Variants in DTNBP1 observed in about 807,000 individuals in gnomAD.
DTNBP1 encodes dystrobrevin binding protein 1.
DTNBP1 carries 35 observed loss-of-function variants against 42.8 expected under a neutral mutation model. That is an observed-to-expected ratio of 0.82 (90% CI 0.63 to 1.09). The LOEUF is 1.09. Among genes scored for constraint, DTNBP1 ranks in the 50% least tolerant of loss-of-function variants. DTNBP1 has a pLI of 0.00. For synonymous variants in DTNBP1, 171 were observed against 162.2 expected (o/e 1.05, Z -0.41); for missense variants, 457 against 424.2 (o/e 1.08, Z -0.68).
intron 8 of DTNBP1, among the ~76,000 whole-genome samples, chr6:15,530,058 G>A (rs752807399): frequency 3.3e-5 from 5 of 152,386 alleles, no homozygotes; most frequent in Non-Finnish European, 5.9e-5. Context: ...ACTTTCCATG[G>A]CCTTGTCTTA....
intron 8 of DTNBP1, among the ~76,000 whole-genome samples, chr6:15,528,969 T>C (rs758929221): frequency 6.6e-6 from 1 of 152,134 alleles, no homozygotes; most frequent in Non-Finnish European, 1.5e-5. Flanking sequence ...CTCTTACGTA[T>C]ATGTACAGAG....
intron 6 of DTNBP1, among the ~76,000 whole-genome samples, chr6:15,600,126 C>A (rs531615261): frequency 6.6e-6 from 1 of 152,124 alleles, no homozygotes; most frequent in Admixed American, 6.6e-5. Flanking sequence ...TCAATCCATC[C>A]TTACATTGAG....
intron 6 of DTNBP1, among the ~76,000 whole-genome samples, chr6:15,605,241 A>G (rs1465434108): frequency 2.6e-5 from 4 of 152,248 alleles, no homozygotes; most frequent in Non-Finnish European, 5.9e-5. Context: ...GAGAACTTCA[A>G]TAAGCACTCT....
intron 7 of DTNBP1, chr6:15,546,033 T>C (rs565969700): frequency 6.7e-6 from 3 of 448,226 alleles, no homozygotes; most frequent in South Asian, 1.6e-5. Flanking sequence ...TGGAGCTGGC[T>C]GAATATGGAT....
At chr6:15,555,470 G>C (rs1774459754) in intron 7 of DTNBP1, among the ~76,000 whole-genome samples, 1 of 152,068 alleles carries the variant, frequency 6.6e-6, no homozygotes, top group South Asian at 2.1e-4. Context: ...AGACCCTGCT[G>C]ATAAAACAGG....
intron 7 of DTNBP1, among the ~76,000 whole-genome samples, chr6:15,557,262 T>TC (rs1179005094): frequency 7.3e-5 from 11 of 151,604 alleles, no homozygotes; most frequent in Non-Finnish European, 1.0e-4. Flanking sequence ...TTTTTTTTTT[T>TC]TTTGCCTGGT....
At chr6:15,660,093 CA>C (rs1406700936) in intron 1 of DTNBP1, among the ~76,000 whole-genome samples, 1 of 152,154 alleles carries the variant, frequency 6.6e-6, no homozygotes, top group East Asian at 1.9e-4. Context: ...AAGCACAAAA[CA>C]AATCTGATTA....
Position 15,656,173 on chromosome 6 carries a change from T to C in DTNBP1, c.57-4033A>G, listed in dbSNP as rs537325910. 4.6e-5 allele frequency among the ~76,000 whole-genome samples: 7 copies of C among 152,348 alleles called. No homozygotes were observed. In the South Asian group the frequency reaches 1.4e-3, roughly 32 times the overall value. ...CCGAGAAACCAATGTACTACATTAC[T>C]GGGCTAAGGTGAAATAAAGCAGAGG... is the stretch of plus-strand genomic sequence containing the variant. On this transcript the variant is annotated intron_variant, in intron 1 of 9. Transcript: ENST00000344537.
intron 8 of DTNBP1, among the ~76,000 whole-genome samples, chr6:15,531,016 C>T (rs1034019734): frequency 5.3e-5 from 8 of 152,176 alleles, no homozygotes; most frequent in African/African-American, 1.9e-4. Flanking sequence ...GTCAGATGGA[C>T]ATGGCCCCTG....
In DTNBP1 at chr6:15,622,253, A is replaced by G. The variant is rs577764051; in HGVS notation, c.355+5090T>C. Among the ~76,000 whole-genome samples the G allele has an allele frequency of 1.8e-3, 281 of 152,366 alleles. 3 individuals carry two copies. Among genetic ancestry groups the G allele is most frequent in the African/African-American group, 6.5e-3 (269 of 41,598 alleles). ...CATTAAACAACATGATGATACTTTTAGTATATTAAACCAGGTCACATTATC... is the reference window on the plus strand; with the variant it reads ...CATTAAACAACATGATGATACTTTTGGTATATTAAACCAGGTCACATTATC... On this transcript the variant is annotated intron_variant, in intron 5 of 9. Transcript: ENST00000344537.
chr6:15,579,970 T>G (rs1186953972), intron 7 of DTNBP1: 1 of 243,010 alleles, frequency 4.1e-6, no homozygotes, highest in East Asian at 1.2e-4. Flanking sequence ...ATGTGTCCAT[T>G]TAAAATAATA....
chr6:15,590,078 G>A (rs1168825522), intron 7 of DTNBP1, among the ~76,000 whole-genome samples: 2 of 152,044 alleles, frequency 1.3e-5, no homozygotes, highest in Non-Finnish European at 1.5e-5. Flanking sequence ...GACTATAGGC[G>A]CCCACCACCA....
chr6:15,546,903 A>G (rs1470087462), intron 7 of DTNBP1, among the ~76,000 whole-genome samples: 1 of 150,500 alleles, frequency 6.6e-6, no homozygotes, highest in East Asian at 2.0e-4. Flanking sequence ...CGCATGAAAT[A>G]GCAGCTTTTT....
At chr6:15,614,454 A>C (rs749961700) in intron 6 of DTNBP1, among the ~76,000 whole-genome samples, 4 of 152,064 alleles carry the variant, frequency 2.6e-5, no homozygotes, top group Admixed American at 6.6e-5. Context: ...CCTCCCAACT[A>C]GCAAAGCCCG....
At chr6:15,627,196 C>T in intron 5 of DTNBP1, 147 bp downstream of exon 5, 1 of 1,039,478 alleles carries the variant, frequency 9.6e-7, no homozygotes, top group East Asian at 2.5e-5. Context: ...GAATCCTCAA[C>T]TAATCAAAAT....
chr6:15,653,383 T>C (rs1320793435), intron 1 of DTNBP1, among the ~76,000 whole-genome samples: 1 of 152,186 alleles, frequency 6.6e-6, no homozygotes, highest in African/African-American at 2.4e-5. Flanking sequence ...TGTCTACCTT[T>C]CCTAAATTTT....
At chr6:15,613,101 G>C (rs1035551838) in intron 6 of DTNBP1, among the ~76,000 whole-genome samples, 1 of 151,718 alleles carries the variant, frequency 6.6e-6, no homozygotes, top group African/African-American at 2.4e-5. Flanking sequence ...AGAGGTCAGG[G>C]GTTTGAGACC....
chr6:15,585,968 G>A (rs1680263926), intron 7 of DTNBP1: 1 of 1,309,514 alleles, frequency 7.6e-7, no homozygotes, highest in South Asian at 2.6e-5. Context: ...GGAATCTACT[G>A]CCTCTATAAA....
intron 3 of DTNBP1, among the ~76,000 whole-genome samples, chr6:15,648,414 A>G (rs1320825089): frequency 6.6e-6 from 1 of 152,070 alleles, no homozygotes. Context: ...TAGGCAAGAA[A>G]AAAGAAATAA....
Sources: allele counts gnomAD v4.1 joint callset (sites outside exome capture counted in the v4.1 genomes callset), GRCh38; gene constraint gnomAD v4.1.1; transcripts MANE v1.5; gene names NCBI Gene and HGNC (gene_info 2026-07-23, HGNC 2026-07-21).